The following CATSPERB variants were observed in gnomAD, a reference collection of about 807,000 sequenced individuals.
CATSPERB encodes the protein catsper channel auxiliary subunit beta, also known as cation channel sperm-associated auxiliary subunit beta.
In CATSPERB, 93 loss-of-function variants were observed where a neutral mutation model predicts 128.3. That is an observed-to-expected ratio of 0.72 (90% CI 0.61 to 0.86). The LOEUF (loss-of-function observed/expected upper bound fraction) is 0.86, where lower values mean the gene tolerates loss of function less well. Ranked by LOEUF, CATSPERB falls within the 40% of genes least tolerant of loss-of-function variation. CATSPERB has a pLI of 0.00. For missense variants in CATSPERB, 1,153 were observed against 1,329.5 expected, an observed-to-expected ratio of 0.87 and a Z score of 2.06; for synonymous variants, 381 against 448.8, an observed-to-expected ratio of 0.85 and a Z score of 1.91.
chr14:91,585,206 G>T (rs1030092312), intron 26 of CATSPERB, among the ~76,000 whole-genome samples: 1 of 151,992 alleles, frequency 6.6e-6, no homozygotes, highest in African/African-American at 2.4e-5. Context: ...TGTAGAGACA[G>T]GGCCTTGCCA....
chr14:91,660,879 T>C (rs1595168740), intron 14 of CATSPERB, among the ~76,000 whole-genome samples: 1 of 152,212 alleles, frequency 6.6e-6, no homozygotes, highest in Non-Finnish European at 1.5e-5. Flanking sequence ...TGTATGCAGA[T>C]ACCAATAGAA....
chr14:91,632,352 G>C (rs879528663), intron 17 of CATSPERB, among the ~76,000 whole-genome samples: 3 of 151,914 alleles, frequency 2.0e-5, no homozygotes, highest in Non-Finnish European at 4.4e-5. Flanking sequence ...AAAAACCCCT[G>C]ATTTAAAAAT....
chr14:91,710,315 T>C (rs558585185), intron 5 of CATSPERB: 1 of 152,344 alleles, frequency 6.6e-6, no homozygotes, highest in African/African-American at 2.4e-5. Context: ...TTTTAAACTA[T>C]ATGTATTCAA....
At chr14:91,713,171 A>G (rs1409386069) in intron 5 of CATSPERB, among the ~76,000 whole-genome samples, 1 of 152,148 alleles carries the variant, frequency 6.6e-6, no homozygotes, top group East Asian at 1.9e-4. Flanking sequence ...ACATAAATAA[A>G]TGAGCATGAT....
chr14:91,726,588 C>T lies in CATSPERB; in HGVS notation c.80-1420G>A, dbSNP rs141452677. On this transcript the variant is annotated intron_variant, in intron 2 of 26. Transcript: ENST00000256343. ...TCCTGTCCTCAAAGGTCTCTCTGAGCGGCAAATGGCTCTCAGCAAAAAGAA... is the reference window on the plus strand; with the variant it reads ...TCCTGTCCTCAAAGGTCTCTCTGAGTGGCAAATGGCTCTCAGCAAAAAGAA... 4.5e-3 allele frequency among the ~76,000 whole-genome samples: 691 copies of T among 152,278 alleles called. 9 individuals carry two copies. The highest frequency in any genetic ancestry group is 0.015 in the African/African-American group (628 of 41,558).
At chr14:91,586,927 C>G (rs1893312502) in intron 26 of CATSPERB, among the ~76,000 whole-genome samples, 1 of 152,106 alleles carries the variant, frequency 6.6e-6, no homozygotes, top group Admixed American at 6.6e-5. Flanking sequence ...CTGGGCTCAA[C>G]AAGGAAGGTG....
chr14:91,613,408 CACGT>C (rs1199343024), intron 20 of CATSPERB, among the ~76,000 whole-genome samples: 1 of 151,838 alleles, frequency 6.6e-6, no homozygotes, highest in Non-Finnish European at 1.5e-5. Flanking sequence ...ATGGAATGAG[CACGT>C]CTAAAAGTGT....
At position 91,614,524 on chromosome 14, in the gene CATSPERB, A is replaced by G. The variant is rs144645487; in HGVS notation, c.2400+3073T>C. On this transcript the variant is annotated intron_variant, in intron 20 of 26. Transcript: ENST00000256343. ...CTAAAAACACAAAAATTAGCCAGGA[A>G]TGGTGGGCCTTTAGTCCCAGCTACC... 2.6e-3 allele frequency among the ~76,000 whole-genome samples: 386 copies of G among 151,352 alleles called. 3 individuals carry two copies. The highest frequency in any genetic ancestry group is 9.0e-3 in the African/African-American group (370 of 41,272).
At chr14:91,704,293 T>C (rs534529671) in intron 7 of CATSPERB, among the ~76,000 whole-genome samples, 11 of 152,274 alleles carry the variant, frequency 7.2e-5, no homozygotes, top group Admixed American at 5.2e-4. Flanking sequence ...AACATATTAA[T>C]GGAGGGCATG....
At chr14:91,725,268 GAATTAT>G (rs1896102027) in intron 2 of CATSPERB, 100 bp from the exon 3 acceptor site, 3 of 492,482 alleles carry the variant, frequency 6.1e-6, no homozygotes, top group Non-Finnish European at 1.0e-5. Flanking sequence ...TAAGGAATAA[GAATTAT>G]AATTGCACAT....
At chr14:91,714,277 C>CAAAAAAAAAAAAAAAAAAAAAAAAAAAAA (rs35951126) in intron 5 of CATSPERB, among the ~76,000 whole-genome samples, 1 of 111,296 alleles carries the variant, frequency 9.0e-6, no homozygotes. Context: ...TACAATAAGG[C>CAAAAAAAAAAAAAAAAAAAAAAAAAAAAA]AAAAAAAAAA....
intron 11 of CATSPERB, among the ~76,000 whole-genome samples, chr14:91,680,335 C>A (rs922796989): frequency 1.3e-5 from 2 of 152,104 alleles, no homozygotes; most frequent in Non-Finnish European, 2.9e-5. Flanking sequence ...ATTATAAGGG[C>A]TGGTTTTGAG....
chr14:91,663,537 T>C (rs2756164), intron 14 of CATSPERB, among the ~76,000 whole-genome samples: 113,424 of 150,752 alleles, frequency 0.75, 42,763 homozygotes, highest in East Asian at 0.92. Flanking sequence ...CCCAGCTACT[T>C]GGGAGGCTGA....
intron 6 of CATSPERB, 82 bp from the exon 7 acceptor site, chr14:91,704,783 A>G: frequency 7.1e-7 from 1 of 1,405,004 alleles, no homozygotes; most frequent in Non-Finnish European, 9.8e-7. Flanking sequence ...GTTTTAAAAG[A>G]ACTATGTAAA....
intron 16 of CATSPERB, 82 bp downstream of exon 16, chr14:91,639,014 C>A: frequency 8.1e-7 from 1 of 1,235,614 alleles, no homozygotes; most frequent in Non-Finnish European, 1.1e-6. Flanking sequence ...AAATACTTTC[C>A]CATTTTCCCA....
At chr14:91,721,331 T>C (rs994615452) in intron 4 of CATSPERB, among the ~76,000 whole-genome samples, 1 of 152,190 alleles carries the variant, frequency 6.6e-6, no homozygotes, top group African/African-American at 2.4e-5. Context: ...ATATGTCTGA[T>C]AAGAGACTTG....
chr14:91,615,664 A>G (rs886248605), intron 20 of CATSPERB, among the ~76,000 whole-genome samples: 11 of 152,174 alleles, frequency 7.2e-5, no homozygotes, highest in African/African-American at 2.7e-4. Context: ...CATTGTGTAT[A>G]TATTCCTGCA....
At chr14:91,607,808 C>T (rs915846149) in intron 22 of CATSPERB, among the ~76,000 whole-genome samples, 5 of 152,198 alleles carry the variant, frequency 3.3e-5, no homozygotes, top group Admixed American at 2.0e-4. Flanking sequence ...CTGCCCCACG[C>T]TGCACTTTTC....
At position 91,653,208 on chromosome 14, in the gene CATSPERB, G is replaced by A. The variant is rs1443075069; in HGVS notation, c.1432+6629C>T. On this transcript the variant is annotated intron_variant, in intron 15 of 26. Coordinates refer to ENST00000256343, the MANE Select transcript of CATSPERB (RefSeq NM_024764.4). ...AATTTTAAACTATACAATAAAAAAT[G>A]CTGTGTGTTAAAAACAACAAACAAA... Among the ~76,000 whole-genome samples the A allele has an allele frequency of 5.9e-5, 9 of 152,236 alleles. No individual in the cohort carries two copies. The East Asian group carries it at 1.2e-3, about 20-fold the overall frequency.
Sources: allele counts gnomAD v4.1 joint callset (sites outside exome capture counted in the v4.1 genomes callset), GRCh38; gene constraint gnomAD v4.1.1; transcripts MANE v1.5; gene names NCBI Gene and HGNC (gene_info 2026-07-23, HGNC 2026-07-21).